The following SORBS2 variants were observed in gnomAD, a reference collection of about 807,000 sequenced individuals.
SORBS2 encodes sorbin and SH3 domain-containing protein 2.
SORBS2 carries 46 observed loss-of-function variants against 97.7 expected under a neutral mutation model. The observed-to-expected ratio is 0.47, with a 90% CI of 0.37 to 0.60. The LOEUF is 0.60. Ranked by LOEUF, SORBS2 falls within the 20% of genes least tolerant of loss-of-function variation. The pLI is 0.00. For missense variants in SORBS2, 1,316 were observed against 1,282.3 expected, an observed-to-expected ratio of 1.03 and a Z score of -0.40; for synonymous variants, 476 against 473.4, an observed-to-expected ratio of 1.01 and a Z score of -0.07.
chr4:185,669,594 G>A (rs2097677460), intron 4 of SORBS2, among the ~76,000 whole-genome samples: 1 of 152,194 alleles, frequency 6.6e-6, no homozygotes, highest in Middle Eastern at 3.4e-3. Flanking sequence ...TCGTTGGGGT[G>A]CAAAACTTAA....
intron 1 of SORBS2, among the ~76,000 whole-genome samples, chr4:185,791,013 T>C (rs1034138659): frequency 4.6e-5 from 7 of 152,232 alleles, no homozygotes; most frequent in Admixed American, 4.6e-4. Context: ...TAATAAAATA[T>C]ATGAATGTGC....
chr4:185,744,845 C>T (rs887521199), intron 2 of SORBS2, among the ~76,000 whole-genome samples: 1 of 152,210 alleles, frequency 6.6e-6, no homozygotes, highest in African/African-American at 2.4e-5. Flanking sequence ...AATTGTGAAA[C>T]ATGATTTTCC....
At chr4:185,949,107 G>A (rs931250516) in intron 1 of SORBS2, among the ~76,000 whole-genome samples, 2 of 152,018 alleles carry the variant, frequency 1.3e-5, no homozygotes, top group African/African-American at 4.8e-5. Flanking sequence ...GAGAGATGCT[G>A]TATTCCATAC....
rs564309454 is a variant in SORBS2 at position 185,766,669 on chromosome 4, C to A, written c.-198+8558G>T. Among the ~76,000 whole-genome samples the A allele has an allele frequency of 2.9e-4, 44 of 152,268 alleles. No homozygotes were observed. The South Asian group carries it at 3.7e-3, about 13-fold the overall frequency. On this transcript the variant is annotated intron_variant, in intron 2 of 20. Transcript: ENST00000284776. ...CAAACACACACAAAACTCCTGGATA[C>A]CACCTGGAGCTAAATTCAATACCAA... is the stretch of plus-strand genomic sequence containing the variant.
chr4:185,856,568 A>C (rs2149698952), intron 1 of SORBS2, among the ~76,000 whole-genome samples: 1 of 152,270 alleles, frequency 6.6e-6, no homozygotes, highest in South Asian at 2.1e-4. Context: ...TTAAAAAAGG[A>C]TCATAAGTTA....
intron 1 of SORBS2, among the ~76,000 whole-genome samples, chr4:185,825,071 T>C (rs1025736980): frequency 2.0e-5 from 3 of 152,276 alleles, no homozygotes; most frequent in African/African-American, 7.2e-5. Flanking sequence ...CACCCTCCCC[T>C]GGGTATAGGT....
At chr4:185,710,498 A>G (rs948647415) in intron 2 of SORBS2, among the ~76,000 whole-genome samples, 1 of 152,248 alleles carries the variant, frequency 6.6e-6, no homozygotes, top group Non-Finnish European at 1.5e-5. Context: ...GATTTATATT[A>G]GATCCACACT....
At chr4:185,745,453 T>C (rs1182411434) in intron 2 of SORBS2, among the ~76,000 whole-genome samples, 4 of 152,170 alleles carry the variant, frequency 2.6e-5, no homozygotes, top group Non-Finnish European at 5.9e-5. Context: ...GGTCCAGACT[T>C]ATGCTCAGGT....
At chr4:185,667,980 A>G (rs754636329) in intron 4 of SORBS2, among the ~76,000 whole-genome samples, 25 of 152,120 alleles carry the variant, frequency 1.6e-4, no homozygotes, top group Admixed American at 3.9e-4. Context: ...AATTTCCCCT[A>G]ATAATTCAGC....
intron 1 of SORBS2, among the ~76,000 whole-genome samples, chr4:185,932,019 G>GATAGAT (rs1187117861): frequency 6.7e-6 from 1 of 150,184 alleles, no homozygotes; most frequent in Non-Finnish European, 1.5e-5. Flanking sequence ...TATATATATA[G>GATAGAT]ATAGATATAG....
chr4:185,743,908 CCTT>C (rs1296896817), intron 2 of SORBS2, among the ~76,000 whole-genome samples: 8 of 146,162 alleles, frequency 5.5e-5, no homozygotes, highest in Non-Finnish European at 1.2e-4. Flanking sequence ...TTCTCCTTCT[CCTT>C]CTTCTATTTT....
chr4:185,928,478 G>A (rs1185642188), intron 1 of SORBS2, among the ~76,000 whole-genome samples: 2 of 152,170 alleles, frequency 1.3e-5, no homozygotes, highest in East Asian at 1.9e-4. Context: ...TTATAGACAG[G>A]TCTTGAGCAC....
At chr4:185,868,224 T>C (rs2099228337) in intron 1 of SORBS2, among the ~76,000 whole-genome samples, 1 of 141,516 alleles carries the variant, frequency 7.1e-6, no homozygotes, top group Admixed American at 7.4e-5. Context: ...TGGCACGATC[T>C]TGGCTCACTG....
intron 1 of SORBS2, among the ~76,000 whole-genome samples, chr4:185,789,462 T>A (rs1205895304): frequency 6.6e-6 from 1 of 151,364 alleles, no homozygotes; most frequent in Non-Finnish European, 1.5e-5. Flanking sequence ...ATGAAATAAA[T>A]CATATTTATA....
chr4:185,829,737 C>T (rs1456751601), intron 1 of SORBS2, among the ~76,000 whole-genome samples: 1 of 152,228 alleles, frequency 6.6e-6, no homozygotes, highest in Non-Finnish European at 1.5e-5. Context: ...ACTTACACAT[C>T]AAGCTAAAAC....
chr4:185,796,085 T>A (rs545983286), intron 1 of SORBS2, among the ~76,000 whole-genome samples: 23 of 152,308 alleles, frequency 1.5e-4, no homozygotes, highest in African/African-American at 5.1e-4. Context: ...TTAAATTTTC[T>A]TGTAGAGATG....
At chr4:185,731,902 ATATATAT>A (rs1399984081) in intron 2 of SORBS2, among the ~76,000 whole-genome samples, 54 of 82,018 alleles carry the variant, frequency 6.6e-4, no homozygotes, top group Admixed American at 8.9e-4. Context: ...ATATATATAT[ATATATAT>A]GTCTGTTTCT....
chr4:185,848,668 G>A (rs1039632366), intron 1 of SORBS2, among the ~76,000 whole-genome samples: 2 of 110,656 alleles, frequency 1.8e-5, no homozygotes, highest in Non-Finnish European at 3.3e-5. Context: ...TTAAGAGGCA[G>A]GGTCTCCATA....
intron 2 of SORBS2, among the ~76,000 whole-genome samples, chr4:185,699,778 T>G (rs1165850985): frequency 6.6e-6 from 1 of 152,200 alleles, no homozygotes; most frequent in African/African-American, 2.4e-5. Flanking sequence ...CTAATAAAAG[T>G]AGACAATAAA....
Sources: gnomAD v4.1 joint callset for allele counts (sites outside exome capture counted in the v4.1 genomes callset) on GRCh38, gnomAD v4.1.1 for gene constraint, MANE v1.5 for transcripts, NCBI Gene and HGNC (gene_info 2026-07-23, HGNC 2026-07-21) for gene names.